The following RPTOR variants were observed in gnomAD, a reference collection of about 807,000 sequenced individuals.
RPTOR encodes the protein regulatory associated protein of MTOR complex 1, also known as regulatory-associated protein of mTOR.
Under a neutral mutation model 169.9 loss-of-function variants are expected in RPTOR, and 21 were observed. The ratio of observed to expected loss-of-function variants is 0.12; its 90% confidence interval spans 0.09 to 0.18. RPTOR has a LOEUF of 0.18. Among genes scored for constraint, RPTOR ranks in the 10% least tolerant of loss-of-function variants. RPTOR has a pLI of 1.00. For synonymous variants in RPTOR, 732 were observed against 753.2 expected, an observed-to-expected ratio of 0.97 and a Z score of 0.46; for missense variants, 1,133 against 1,855.9, an observed-to-expected ratio of 0.61 and a Z score of 7.16.
At chr17:80,791,408 C>A (rs1229326937) in intron 6 of RPTOR, 42 bp from the exon 7 acceptor site, 8 of 1,593,884 alleles carry the variant, frequency 5.0e-6, no homozygotes, top group Non-Finnish European at 6.9e-6. Context: ...TCCTGGGTGA[C>A]TGTTCCATTC....
intron 2 of RPTOR, among the ~76,000 whole-genome samples, chr17:80,640,998 A>G (rs1176038180): frequency 6.6e-5 from 10 of 152,178 alleles, no homozygotes; most frequent in Admixed American, 2.0e-4. Flanking sequence ...GCTCCTCCTC[A>G]TGCATGCGGC....
chr17:80,857,616 G>C (rs2067868216), intron 12 of RPTOR, among the ~76,000 whole-genome samples, 174 bp from the exon 13 acceptor site: 1 of 152,228 alleles, frequency 6.6e-6, no homozygotes, highest in South Asian at 2.1e-4. Context: ...GAATAAATCA[G>C]AGATGAATAA....
intron 7 of RPTOR, among the ~76,000 whole-genome samples, chr17:80,821,637 T>C (rs940626240): frequency 5.3e-5 from 8 of 152,138 alleles, no homozygotes; most frequent in Non-Finnish European, 8.8e-5. Flanking sequence ...ACCTCTAATG[T>C]GTGCTTGTTC....
chr17:80,759,699 A>C (rs1370272101), intron 6 of RPTOR, among the ~76,000 whole-genome samples: 1 of 151,864 alleles, frequency 6.6e-6, no homozygotes, highest in East Asian at 1.9e-4. Flanking sequence ...TTAATGGAAG[A>C]GTGAGATAGT....
chr17:80,724,683 A>G (rs1357355656), intron 4 of RPTOR, among the ~76,000 whole-genome samples: 1 of 152,118 alleles, frequency 6.6e-6, no homozygotes, highest in East Asian at 1.9e-4. Flanking sequence ...GGTGGGTTGG[A>G]GTTGGGGTTG....
chr17:80,891,154 C>T (rs2143865952), intron 17 of RPTOR, among the ~76,000 whole-genome samples: 1 of 152,348 alleles, frequency 6.6e-6, no homozygotes, highest in South Asian at 2.1e-4. Flanking sequence ...TTCCCTTGGA[C>T]CAAGGCATTT....
rs371142281 is a variant in RPTOR, at chr17:80,709,856, A to G, written c.507+1857A>G. On this transcript the variant is annotated intron_variant, in intron 4 of 33. Coordinates refer to ENST00000306801, the MANE Select transcript of RPTOR (RefSeq NM_020761.3). ...TCTCTGCAGTGGGTTGCCTTTTCCT[A>G]TCGGTTTGAGGGAATTCTTTGTATT... Among the ~76,000 whole-genome samples, 88 of 151,332 alleles carry G rather than the reference A, an allele frequency of 5.8e-4. 2 individuals carry two copies. The South Asian group carries it at 0.018, about 30-fold the overall frequency.
intron 3 of RPTOR, among the ~76,000 whole-genome samples, chr17:80,648,160 G>A (rs1205097636): frequency 2.0e-5 from 3 of 152,182 alleles, no homozygotes; most frequent in Middle Eastern, 3.4e-3. Context: ...TCATCCTTTC[G>A]TGGTATTGAT....
At position 80,960,764 on chromosome 17, in the gene RPTOR, G is replaced by C. The variant is rs1186457748; in HGVS notation, c.3605+559G>C. 1.2e-5 allele frequency: 2 copies of C among 162,808 alleles called. No individual in the cohort carries two copies. The highest frequency in any genetic ancestry group is 2.7e-5 in the Non-Finnish European group (2 of 73,924). The allele number at this position is 162,808 out of a possible 1,614,324, so 10.1% of individuals were successfully genotyped here. On this transcript the variant is annotated intron_variant, in intron 30 of 33. Transcript: ENST00000306801. This position sits in a 1 kb window ranked among gnomAD's most constrained non-coding sequence, Gnocchi z 4.8. ...CCTCCACTGAGCACCCCTGTGGGCA[G>C]GTGCTGTCCATGTCTGGCAGGGGAC...
Position 80,883,984 on chromosome 17 carries a change from G to C in RPTOR, c.1842+12G>C. 1.9e-6 allele frequency: 3 copies of C among 1,602,602 alleles called. No homozygotes were observed. The highest frequency in any genetic ancestry group is 2.2e-5 in the East Asian group (1 of 44,644). On this transcript the variant is annotated intron_variant, in intron 16 of 33. Coordinates refer to ENST00000306801, the MANE Select transcript of RPTOR (RefSeq NM_020761.3). ...ACCCCATTCCCGAGGTGAGTCAGGC[G>C]GGGGCTCAGAGTCCAGTCCTCCTGG...
chr17:80,738,530 C>CAGCGAACT (rs71163995), intron 5 of RPTOR, among the ~76,000 whole-genome samples: 76,513 of 151,726 alleles, frequency 0.5, 22,081 homozygotes, highest in African/African-American at 0.81. Flanking sequence ...TTCACAGACA[C>CAGCGAACT]GTGTCATTAG....
At chr17:80,920,791 C>T (rs1042346925) in intron 21 of RPTOR, among the ~76,000 whole-genome samples, 5 of 152,234 alleles carry the variant, frequency 3.3e-5, no homozygotes, top group African/African-American at 4.8e-5. Flanking sequence ...CCCGTCACCT[C>T]CCACTGTTTT....
intron 6 of RPTOR, among the ~76,000 whole-genome samples, chr17:80,781,057 G>T (rs542331836): frequency 3.9e-4 from 60 of 152,198 alleles, no homozygotes; most frequent in Non-Finnish European, 6.9e-4. Flanking sequence ...GTGAGTTTCA[G>T]AACCTTCTGA....
chr17:80,949,310 G>A (rs893918888), intron 27 of RPTOR, 133 bp from the exon 28 acceptor site: 4 of 759,168 alleles, frequency 5.3e-6, no homozygotes, highest in Admixed American at 1.9e-5. Context: ...CTGGAACCAC[G>A]GGTAGTGAGT....
chr17:80,819,135 T>C (rs547578732), intron 7 of RPTOR, among the ~76,000 whole-genome samples: 21 of 152,330 alleles, frequency 1.4e-4, no homozygotes, highest in Admixed American at 4.6e-4. Flanking sequence ...CCCCGCCAGC[T>C]GCTCGAGCTG....
chr17:80,604,603 A>G (rs527966227), intron 1 of RPTOR, among the ~76,000 whole-genome samples: 35 of 152,322 alleles, frequency 2.3e-4, no homozygotes, highest in African/African-American at 8.2e-4. Flanking sequence ...AAGACATACC[A>G]GAGACAGGGT....
intron 4 of RPTOR, among the ~76,000 whole-genome samples, chr17:80,722,458 G>A (rs908960248): frequency 6.6e-6 from 1 of 150,848 alleles, no homozygotes; most frequent in Non-Finnish European, 1.5e-5. Flanking sequence ...GAAGGGAGGG[G>A]TCCCAAGCTG....
At chr17:80,556,870 G>A (rs7220355) in intron 1 of RPTOR, among the ~76,000 whole-genome samples, 8,196 of 152,038 alleles carry the variant, frequency 0.054, 739 homozygotes, top group African/African-American at 0.19. Context: ...GAGGCGGGTG[G>A]GTCACCTGAG....
At chr17:80,914,501 A>C (rs2068649469) in intron 21 of RPTOR, among the ~76,000 whole-genome samples, 1 of 152,164 alleles carries the variant, frequency 6.6e-6, no homozygotes, top group African/African-American at 2.4e-5. Context: ...CTGTGCTCTC[A>C]GGGGCCCAGG....
Sources: gnomAD v4.1 joint callset for allele counts (sites outside exome capture counted in the v4.1 genomes callset) on GRCh38, gnomAD v4.1.1 for gene constraint, Gnocchi (gnomAD v3.1) non-coding constraint, MANE v1.5 for transcripts, NCBI Gene and HGNC (gene_info 2026-07-23, HGNC 2026-07-21) for gene names.